The following EYS variants were observed in gnomAD, a reference collection of about 807,000 sequenced individuals.
EYS encodes EGF-like photoreceptor maintenance factor.
In EYS, 250 loss-of-function variants were observed where a neutral mutation model predicts 282.1. That is an observed-to-expected ratio of 0.89 (90% CI 0.80 to 0.98). The LOEUF is 0.98. Ranked by LOEUF, EYS falls within the 50% of genes least tolerant of loss-of-function variation. EYS has a pLI of 0.00. For missense variants in EYS, 4,016 were observed against 3,709.0 expected (o/e 1.08, Z -2.15); for synonymous variants, 1,355 against 1,282.9 (o/e 1.06, Z -1.20).
chr6:64,746,797 C>T (rs1281373093), intron 22 of EYS, among the ~76,000 whole-genome samples: 1 of 152,238 alleles, frequency 6.6e-6, no homozygotes, highest in Non-Finnish European at 1.5e-5. Context: ...TCCTGATACT[C>T]AAAATCCTCC....
chr6:65,620,526 G>T (rs1355873391), intron 2 of EYS, among the ~76,000 whole-genome samples: 1 of 151,164 alleles, frequency 6.6e-6, no homozygotes, highest in Non-Finnish European at 1.5e-5. Context: ...TTAATTTTTT[G>T]AAGGGTTTTT....
At chr6:64,032,169 C>T (rs189897498) in intron 33 of EYS, among the ~76,000 whole-genome samples, 23 of 152,124 alleles carry the variant, frequency 1.5e-4, no homozygotes, top group Non-Finnish European at 2.5e-4. Flanking sequence ...CCTGAGGCGG[C>T]GAGACCACGA....
At chr6:64,570,757 C>T (rs184734032) in intron 26 of EYS, among the ~76,000 whole-genome samples, 6 of 152,038 alleles carry the variant, frequency 3.9e-5, no homozygotes, top group African/African-American at 1.2e-4. Flanking sequence ...TGTATACACC[C>T]AATACAGGAG....
rs114360807 is a variant in EYS at position 64,190,739 on chromosome 6, G to A, written c.6424+39853C>T. Among the ~76,000 whole-genome samples, 623 of 152,214 alleles carry A rather than the reference G, an allele frequency of 4.1e-3. 5 individuals are homozygous for A. Among genetic ancestry groups the A allele is most frequent in the African/African-American group, 0.014 (589 of 41,530 alleles). ...TTCTGTGGAGGGCGCCTGAGGATGT[G>A]TTAGGGTAGGATCATAAGGTAAGAA... On this transcript the variant is annotated intron_variant, in intron 31 of 42. Transcript: ENST00000503581.
chr6:65,515,787 G>A (rs1056619592), intron 2 of EYS, among the ~76,000 whole-genome samples: 9 of 112,788 alleles, frequency 8.0e-5, no homozygotes, highest in Admixed American at 1.3e-4. Flanking sequence ...TCTGGGGACT[G>A]TTGTGGGGTG....
At chr6:65,597,441 GTA>G (rs1765448741) in intron 2 of EYS, among the ~76,000 whole-genome samples, 1 of 152,080 alleles carries the variant, frequency 6.6e-6, no homozygotes, top group Non-Finnish European at 1.5e-5. Flanking sequence ...TGTACTCCCA[GTA>G]CTAAGTACAG....
At chr6:65,325,137 C>T (rs1298412949) in intron 11 of EYS, among the ~76,000 whole-genome samples, 3 of 152,148 alleles carry the variant, frequency 2.0e-5, no homozygotes, top group East Asian at 2.0e-4. Context: ...AGGCAGCTGT[C>T]GCCACCATCA....
intron 12 of EYS, among the ~76,000 whole-genome samples, chr6:65,264,136 G>C (rs1224645069): frequency 6.6e-6 from 1 of 151,924 alleles, no homozygotes; most frequent in Admixed American, 6.6e-5. Context: ...CTGCATTTCT[G>C]GTAACCAATG....
chr6:64,583,835 T>G (rs1766148927), intron 26 of EYS, among the ~76,000 whole-genome samples: 1 of 152,080 alleles, frequency 6.6e-6, no homozygotes, highest in Admixed American at 6.6e-5. Context: ...ATTTTTCTTC[T>G]AATTTCACTA....
intron 19 of EYS, among the ~76,000 whole-genome samples, chr6:64,841,159 C>T (rs2150034884): frequency 6.6e-6 from 1 of 152,112 alleles, no homozygotes; most frequent in Middle Eastern, 3.4e-3. Flanking sequence ...TTTGAGAATG[C>T]ATGATGTAGA....
intron 42 of EYS, among the ~76,000 whole-genome samples, chr6:63,724,546 C>T (rs535395058): frequency 6.4e-4 from 98 of 152,088 alleles, no homozygotes; most frequent in African/African-American, 2.1e-3. Flanking sequence ...TTAATTTGTG[C>T]TTAACAAAAT....
At chr6:64,281,351 T>G (rs1768303483) in intron 30 of EYS, among the ~76,000 whole-genome samples, 1 of 152,056 alleles carries the variant, frequency 6.6e-6, no homozygotes, top group Non-Finnish European at 1.5e-5. Context: ...GAGAGTCAAG[T>G]ATGGAAGTCA....
At chr6:64,053,242 A>G (rs1770873147) in intron 33 of EYS, among the ~76,000 whole-genome samples, 2 of 152,158 alleles carry the variant, frequency 1.3e-5, no homozygotes, top group African/African-American at 4.8e-5. Flanking sequence ...AATTTCTAAT[A>G]GAAAAATGGC....
chr6:65,586,285 T>C (rs536428069), intron 2 of EYS, among the ~76,000 whole-genome samples: 1 of 152,166 alleles, frequency 6.6e-6, no homozygotes, highest in East Asian at 1.9e-4. Flanking sequence ...CAAATTAATA[T>C]GGTAATATGC....
intron 1 of EYS, among the ~76,000 whole-genome samples, chr6:65,668,356 C>T (rs556974743): frequency 1.3e-5 from 2 of 151,910 alleles, no homozygotes; most frequent in South Asian, 4.1e-4. Flanking sequence ...TAGGCAATAA[C>T]CTTGCACCTC....
chr6:65,153,351 CAG>C (rs1288190285), intron 12 of EYS, among the ~76,000 whole-genome samples: 5 of 141,622 alleles, frequency 3.5e-5, no homozygotes, highest in Non-Finnish European at 7.6e-5. Context: ...CACAGAAATT[CAG>C]AGATCATAAA....
At chr6:64,819,510 C>A (rs1057075438) in intron 21 of EYS, among the ~76,000 whole-genome samples, 2 of 151,746 alleles carry the variant, frequency 1.3e-5, no homozygotes, top group Non-Finnish European at 2.9e-5. Flanking sequence ...ATTAACAGAC[C>A]CTTTGATAAA....
At chr6:64,047,181 T>TA (rs11399475) in intron 33 of EYS, among the ~76,000 whole-genome samples, 47,441 of 149,276 alleles carry the variant, frequency 0.32, 7,552 homozygotes, top group Middle Eastern at 0.39. Context: ...GTCATTAGGT[T>TA]AAAAAAAAAA....
intron 28 of EYS, among the ~76,000 whole-genome samples, chr6:64,399,365 A>T (rs190744995): frequency 2.2e-4 from 34 of 151,902 alleles, no homozygotes; most frequent in Admixed American, 1.2e-3. Context: ...ATAACTATAT[A>T]TCTGGATTTA....
Sources: gnomAD v4.1 joint callset for allele counts (sites outside exome capture counted in the v4.1 genomes callset) on GRCh38, gnomAD v4.1.1 for gene constraint, MANE v1.5 for transcripts, NCBI Gene and HGNC (gene_info 2026-07-23, HGNC 2026-07-21) for gene names.